The following SH3PXD2A variants were observed in gnomAD, a reference collection of about 807,000 sequenced individuals.
SH3PXD2A encodes SH3 and PX domains 2A, also known as SH3 and PX domain-containing protein 2A.
In SH3PXD2A, 32 loss-of-function variants were observed where a neutral mutation model predicts 115.2. The observed-to-expected ratio is 0.28, with a 90% CI of 0.21 to 0.37. The LOEUF (loss-of-function observed/expected upper bound fraction) is 0.37, where lower values mean the gene tolerates loss of function less well. Among genes scored for constraint, SH3PXD2A ranks in the 10% least tolerant of loss-of-function variants. SH3PXD2A has a pLI of 1.00. For missense variants in SH3PXD2A, 1,328 were observed against 1,498.7 expected (o/e 0.89, Z 1.88); for synonymous variants, 610 against 629.1 (o/e 0.97, Z 0.45).
intron 8 of SH3PXD2A, among the ~76,000 whole-genome samples, chr10:103,650,660 CT>C (rs768506120): frequency 5.9e-5 from 9 of 152,234 alleles, no homozygotes; most frequent in Non-Finnish European, 1.0e-4. Context: ...AGTAGGCCTT[CT>C]GGACCCACCC....
intron 6 of SH3PXD2A, among the ~76,000 whole-genome samples, chr10:103,677,399 G>A (rs2037551038): frequency 6.6e-6 from 1 of 152,172 alleles, no homozygotes; most frequent in African/African-American, 2.4e-5. Context: ...GCTGAGTCCT[G>A]GAGGCCTTGA....
intron 1 of SH3PXD2A, among the ~76,000 whole-genome samples, chr10:103,836,706 C>CA (rs1554928966): frequency 8.0e-5 from 12 of 149,670 alleles, no homozygotes; most frequent in African/African-American, 2.5e-4. Flanking sequence ...CACACACACA[C>CA]CCCTTCTTTT....
chr10:103,687,117 ACT>A (rs1302429852), intron 6 of SH3PXD2A, among the ~76,000 whole-genome samples: 1 of 151,726 alleles, frequency 6.6e-6, no homozygotes, highest in African/African-American at 2.4e-5. Context: ...TATCTAAAAC[ACT>A]CTGGGTGGGC....
intron 7 of SH3PXD2A, among the ~76,000 whole-genome samples, chr10:103,663,891 A>G (rs1167778235): frequency 6.6e-6 from 1 of 152,222 alleles, no homozygotes; most frequent in Non-Finnish European, 1.5e-5. Context: ...AGTGTGCCAC[A>G]TACATTCGCA....
At chr10:103,747,025 G>A (rs1342462542) in intron 3 of SH3PXD2A, 1 of 152,286 alleles carries the variant, frequency 6.6e-6, no homozygotes, top group Non-Finnish European at 1.5e-5. Flanking sequence ...AGCCAGTGAA[G>A]CCCACGAACG....
chr10:103,684,062 C>T (rs113141786), intron 6 of SH3PXD2A, among the ~76,000 whole-genome samples: 1 of 152,258 alleles, frequency 6.6e-6, no homozygotes, highest in African/African-American at 2.4e-5. Flanking sequence ...TTGGGCAGGG[C>T]AGGCCCAGGG....
Position 103,746,299 on chromosome 10 carries a change from A to C in SH3PXD2A, c.230-10491T>G, listed in dbSNP as rs1589438549. The C allele has an allele frequency of 6.6e-6, 1 of 152,262 alleles. No homozygotes were observed. The highest frequency in any genetic ancestry group is 2.4e-5 in the African/African-American group (1 of 41,542). 9.4% of individuals were successfully genotyped at this position (152,262 alleles called of 1,614,324 possible). A position where few individuals can be genotyped will look rare whatever the true frequency, so the allele number is the denominator to read the frequency against. The stretch of plus-strand genomic sequence containing the variant: ...AGCATTCTAGAGCAGTGGGACCAGA[A>C]CCATTTCTTTCTTTTTTATTTTTAT... On this transcript the variant is annotated intron_variant, in intron 3 of 14. Transcript: ENST00000369774. The surrounding 1 kb of genome is among the most constrained non-coding windows in gnomAD (Gnocchi z 4.4).
intron 6 of SH3PXD2A, chr10:103,678,053 C>T (rs1361861294): frequency 8.6e-7 from 1 of 1,158,252 alleles, no homozygotes; most frequent in Non-Finnish European, 1.2e-6. Context: ...GCTTTAATGC[C>T]CTTCAAAGAG....
Position 103,599,001 on chromosome 10 carries a change from C to G in SH3PXD2A, c.*2815G>C, listed in dbSNP as rs2036177723. The G allele has an allele frequency of 6.6e-6, 1 of 152,594 alleles. No individual in the cohort carries two copies. Among genetic ancestry groups the G allele is most frequent in the South Asian group, 2.1e-4 (1 of 4,824 alleles). The allele number at this position is 152,594 out of a possible 1,614,324, so 9.5% of individuals were successfully genotyped here. A position where few individuals can be genotyped will look rare whatever the true frequency, so the allele number is the denominator to read the frequency against. ...AGCATTCCCCACTTTTCCTGGATGC[C>G]TGAGCAACTCCCAGCCATCCTTGGG... On this transcript the variant is annotated 3_prime_UTR_variant, in exon 15 of 15. Transcript: ENST00000369774.
chr10:103,827,675 A>T (rs1303714804), intron 1 of SH3PXD2A, among the ~76,000 whole-genome samples: 1 of 152,170 alleles, frequency 6.6e-6, no homozygotes, highest in Non-Finnish European at 1.5e-5. Flanking sequence ...TGTGGTACCC[A>T]GTTCTGCTGG....
Position 103,602,295 on chromosome 10 carries a change from C to A in SH3PXD2A, c.2923G>T (p.Val975Leu). 6.2e-7 allele frequency: 1 copy of A among 1,613,662 alleles called. No homozygotes were observed. Among genetic ancestry groups the A allele is most frequent in the Non-Finnish European group, 8.5e-7 (1 of 1,179,934 alleles). ...AVKMRNGVRQ[V>L]AVRPQSVFVS... is the part of the protein sequence containing the mutation. Reference sequence around the variant, plus strand: ...AACACCGACTGGGGCCTGACCGCCACCTGCCGCACTCCGTTCCTCATCTTC... The same window carrying A: ...AACACCGACTGGGGCCTGACCGCCAACTGCCGCACTCCGTTCCTCATCTTC... The change falls in exon 15 of 15, where the codon GTG (valine) becomes TTG (leucine). Residue 975 changes from valine to leucine, a missense_variant. By Grantham distance (32) the Val-to-Leu change is conservative (BLOSUM62 1). Around this residue, in one of 5 missense-constraint regions of SH3PXD2A, gnomAD observed 574 missense variants for 565.7 expected, o/e 1.01. Transcript: ENST00000369774.
chr10:103,668,075 A>G (rs2037407724), intron 7 of SH3PXD2A, among the ~76,000 whole-genome samples: 1 of 152,084 alleles, frequency 6.6e-6, no homozygotes, highest in African/African-American at 2.4e-5. Flanking sequence ...CCTGCCCCAA[A>G]TCTGCAGCTC....
At chr10:103,677,891 T>C (rs2037559976) in intron 6 of SH3PXD2A, among the ~76,000 whole-genome samples, 1 of 152,034 alleles carries the variant, frequency 6.6e-6, no homozygotes, top group South Asian at 2.1e-4. Flanking sequence ...CCCAGGACCC[T>C]CTTGATACCC....
chr10:103,771,636 G>A (rs952128891), intron 2 of SH3PXD2A, among the ~76,000 whole-genome samples: 4 of 152,014 alleles, frequency 2.6e-5, no homozygotes, highest in African/African-American at 9.7e-5. Context: ...AGTCCCAGCT[G>A]AGGCAGGAGA....
chr10:103,747,110 A>T (rs1445971285), intron 3 of SH3PXD2A: 2 of 152,396 alleles, frequency 1.3e-5, no homozygotes, highest in African/African-American at 4.8e-5. Context: ...AGTGAGTGTG[A>T]GTGTGTGTTC....
At chr10:103,706,585 C>CTGTG (rs2037983127) in intron 5 of SH3PXD2A, among the ~76,000 whole-genome samples, 1 of 152,210 alleles carries the variant, frequency 6.6e-6, no homozygotes, top group Admixed American at 6.5e-5. Flanking sequence ...AGAGCAGGAA[C>CTGTG]TGTGTGTGTC....
At chr10:103,713,800 C>T (rs543753961) in intron 5 of SH3PXD2A, among the ~76,000 whole-genome samples, 15 of 152,206 alleles carry the variant, frequency 9.9e-5, no homozygotes, top group Non-Finnish European at 1.6e-4. Flanking sequence ...TCCCAGGCCA[C>T]ACAGCAGGTG....
intron 1 of SH3PXD2A, among the ~76,000 whole-genome samples, chr10:103,834,007 C>T (rs190070874): frequency 1.7e-3 from 257 of 152,300 alleles, no homozygotes; most frequent in African/African-American, 6.0e-3. Context: ...GCCCAGTTTC[C>T]ACCCCTCCCC....
At chr10:103,628,872 C>T (rs925562125) in intron 8 of SH3PXD2A, among the ~76,000 whole-genome samples, 1 of 152,242 alleles carries the variant, frequency 6.6e-6, no homozygotes, top group Non-Finnish European at 1.5e-5. Flanking sequence ...TTGCTCCAAA[C>T]CCTGTGTCTC....
Sources: gnomAD v4.1 joint callset for allele counts (sites outside exome capture counted in the v4.1 genomes callset) on GRCh38, gnomAD v4.1.1 for gene constraint, gnomAD v4.1.1 regional missense constraint, Gnocchi (gnomAD v3.1) non-coding constraint, MANE v1.5 for transcripts, NCBI Gene and HGNC (gene_info 2026-07-23, HGNC 2026-07-21) for gene names.